The following ANO2 variants were observed in gnomAD, a reference collection of about 807,000 sequenced individuals.
The protein encoded by ANO2 is anoctamin-2.
ANO2 carries 101 observed loss-of-function variants against 124.2 expected under a neutral mutation model. That is an observed-to-expected ratio of 0.81 (90% CI 0.69 to 0.96). The LOEUF (loss-of-function observed/expected upper bound fraction) is 0.96, where lower values mean the gene tolerates loss of function less well. Ranked by LOEUF, ANO2 falls within the 40% of genes least tolerant of loss-of-function variation. ANO2 has a pLI of 0.00. For missense variants in ANO2, 1,293 were observed against 1,274.5 expected (o/e 1.01, Z -0.22); for synonymous variants, 486 against 482.5 (o/e 1.01, Z -0.09).
chr12:5,908,982 G>A lies in ANO2; in HGVS notation c.534+12058C>T, dbSNP rs1278486847. 1.3e-5 allele frequency among the ~76,000 whole-genome samples: 2 copies of A among 152,202 alleles called. No homozygotes were observed. Among genetic ancestry groups the A allele is most frequent in the Non-Finnish European group, 2.9e-5 (2 of 68,036 alleles). ...GGGTCATCCGCCTTTTGAGCAGAAT[G>A]CATCATTACACGCTGTAGGTCCACA... On this transcript the variant is annotated intron_variant, in intron 3 of 24. Transcript: ENST00000682330. The surrounding 1 kb of genome is among the most constrained non-coding windows in gnomAD (Gnocchi z 4.7).
At chr12:5,570,399 T>G (rs1370611394) in intron 23 of ANO2, among the ~76,000 whole-genome samples, 1 of 151,916 alleles carries the variant, frequency 6.6e-6, no homozygotes, top group Non-Finnish European at 1.5e-5. Flanking sequence ...TGGTTACCTG[T>G]AATGTTTAGA....
intron 20 of ANO2, among the ~76,000 whole-genome samples, chr12:5,585,671 A>G (rs1943075284): frequency 6.6e-6 from 1 of 152,162 alleles, no homozygotes; most frequent in African/African-American, 2.4e-5. Flanking sequence ...GCAAGATGGG[A>G]GTGTGAAGGA....
chr12:5,825,210 T>C (rs994754401), intron 7 of ANO2, among the ~76,000 whole-genome samples: 2 of 152,164 alleles, frequency 1.3e-5, no homozygotes, highest in East Asian at 3.8e-4. Context: ...TTCACTGGTC[T>C]TACCATGTTC....
intron 14 of ANO2, among the ~76,000 whole-genome samples, chr12:5,656,320 C>CAA (rs1252372237): frequency 6.6e-6 from 1 of 152,188 alleles, no homozygotes; most frequent in African/African-American, 2.4e-5. Flanking sequence ...GTCCTAAGCT[C>CAA]AAATGTCACA....
chr12:5,923,195 C>T (rs113555673), intron 1 of ANO2, among the ~76,000 whole-genome samples: 1,379 of 9,708 alleles, frequency 0.14, 173 homozygotes, highest in East Asian at 0.22. Flanking sequence ...TACACACACA[C>T]GCACGCACAC....
intron 3 of ANO2, 141 bp from the exon 4 acceptor site, chr12:5,854,282 G>A: frequency 1.5e-6 from 1 of 675,906 alleles, no homozygotes; most frequent in Non-Finnish European, 2.5e-6. Flanking sequence ...ATTCACCAGG[G>A]ACCAGTCCCT....
intron 14 of ANO2, among the ~76,000 whole-genome samples, chr12:5,668,395 G>GTTTTTTTTTTTTTTTTTTT (rs539092061): frequency 1.3e-5 from 2 of 149,110 alleles, no homozygotes; most frequent in African/African-American, 4.9e-5. Flanking sequence ...ACTTTTTAAT[G>GTTTTTTTTTTTTTTTTTTT]TTTTTTTTTT....
intron 3 of ANO2, among the ~76,000 whole-genome samples, chr12:5,895,998 T>C (rs1307952622): frequency 6.6e-6 from 1 of 152,152 alleles, no homozygotes; most frequent in African/African-American, 2.4e-5. Flanking sequence ...TGGATGGAGC[T>C]GGAGGCCATT....
intron 14 of ANO2, among the ~76,000 whole-genome samples, chr12:5,721,461 CTG>C (rs1950231547): frequency 6.6e-6 from 1 of 150,858 alleles, no homozygotes; most frequent in South Asian, 2.1e-4. Context: ...TCTTAAATCT[CTG>C]TTGAACATAA....
chr12:5,828,210 G>A (rs988122403), intron 6 of ANO2, among the ~76,000 whole-genome samples: 6 of 152,162 alleles, frequency 3.9e-5, no homozygotes, highest in African/African-American at 1.2e-4. Flanking sequence ...CGCCCACGTC[G>A]GGGAACCTCA....
chr12:5,745,955 A>G (rs537368264), intron 11 of ANO2, among the ~76,000 whole-genome samples: 91 of 152,306 alleles, frequency 6.0e-4, no homozygotes, highest in African/African-American at 2.1e-3. Flanking sequence ...AGAGGAAAGT[A>G]CCCCCTTAAA....
At chr12:5,629,022 C>A (rs1945560537) in intron 16 of ANO2, among the ~76,000 whole-genome samples, 4 of 152,188 alleles carry the variant, frequency 2.6e-5, no homozygotes, top group African/African-American at 9.6e-5. Flanking sequence ...CAGTGACACT[C>A]AGGAGTGGGC....
intron 10 of ANO2, among the ~76,000 whole-genome samples, chr12:5,775,290 G>C (rs746624594): frequency 1.3e-5 from 2 of 152,196 alleles, no homozygotes; most frequent in Middle Eastern, 3.4e-3. Context: ...CAGAGAGAGA[G>C]AGAGAGAGAA....
chr12:5,736,724 G>C (rs140766013), intron 13 of ANO2, among the ~76,000 whole-genome samples: 10 of 152,216 alleles, frequency 6.6e-5, no homozygotes, highest in Admixed American at 3.3e-4. Context: ...TCCCTGACCC[G>C]GTCACCAGAC....
chr12:5,845,566 CAAA>C (rs11354500), intron 4 of ANO2, among the ~76,000 whole-genome samples: 46 of 101,392 alleles, frequency 4.5e-4, no homozygotes, highest in African/African-American at 5.4e-4. Flanking sequence ...GACTACATCT[CAAA>C]AAAAAAAAAA....
chr12:5,729,842 T>C (rs1950568988), intron 14 of ANO2, among the ~76,000 whole-genome samples: 1 of 152,162 alleles, frequency 6.6e-6, no homozygotes, highest in African/African-American at 2.4e-5. Flanking sequence ...AAGAACGAAG[T>C]ACTGATATAT....
intron 1 of ANO2, among the ~76,000 whole-genome samples, chr12:5,932,704 G>GTA (rs1942466102): frequency 6.6e-6 from 1 of 151,618 alleles, no homozygotes; most frequent in Non-Finnish European, 1.5e-5. Context: ...GTAGACTAGA[G>GTA]AGGAAGGAAA....
chr12:5,610,983 T>TTTTTCTTTGCTTTTTTTTTTG (rs1944519184), intron 19 of ANO2, among the ~76,000 whole-genome samples: 1 of 121,656 alleles, frequency 8.2e-6, no homozygotes, highest in Non-Finnish European at 1.8e-5. Context: ...TTTTTTTTTT[T>TTTTTCTTTGCTTTTTTTTTTG]TTTTTTGAGA....
intron 14 of ANO2, among the ~76,000 whole-genome samples, chr12:5,710,408 C>T (rs994459200): frequency 1.3e-5 from 2 of 152,316 alleles, no homozygotes; most frequent in African/African-American, 4.8e-5. Flanking sequence ...CATCCCCCAC[C>T]CCCACATTTC....
Sources: allele counts gnomAD v4.1 joint callset (sites outside exome capture counted in the v4.1 genomes callset), GRCh38; gene constraint gnomAD v4.1.1; non-coding constraint Gnocchi (gnomAD v3.1); transcripts MANE v1.5; gene names NCBI Gene and HGNC (gene_info 2026-07-23, HGNC 2026-07-21).